RIMS2: variants seen among roughly 807,000 people sequenced by gnomAD.
The protein encoded by RIMS2 is regulating synaptic membrane exocytosis 2.
RIMS2 carries 59 observed loss-of-function variants against 174.4 expected under a neutral mutation model. That is an observed-to-expected ratio of 0.34 (90% confidence interval 0.27 to 0.42). The LOEUF (loss-of-function observed/expected upper bound fraction) is 0.42, where lower values mean the gene tolerates loss of function less well. RIMS2 is among the 10% of genes least tolerant of loss of function. The pLI, the probability that RIMS2 is intolerant of heterozygous loss-of-function variation, is 1.00. For synonymous variants in RIMS2, 606 were observed against 572.5 expected, an observed-to-expected ratio of 1.06 and a Z score of -0.84; for missense variants, 1,620 against 1,666.3, an observed-to-expected ratio of 0.97 and a Z score of 0.48.
intron 19 of RIMS2, among the ~76,000 whole-genome samples, chr8:104,187,315 A>G (rs1453349378): frequency 1.3e-5 from 2 of 151,820 alleles, no homozygotes; most frequent in Admixed American, 6.6e-5. Context: ...GAGAATTTCA[A>G]TTCAGTGCTT....
intron 19 of RIMS2, among the ~76,000 whole-genome samples, chr8:104,213,496 T>A (rs1246408195): frequency 6.6e-6 from 1 of 152,194 alleles, no homozygotes; most frequent in Non-Finnish European, 1.5e-5. Context: ...AAGCAGTCAT[T>A]CCCGTTTGCT....
intron 6 of RIMS2, among the ~76,000 whole-genome samples, chr8:103,912,515 G>A (rs1473648041): frequency 1.3e-5 from 2 of 151,924 alleles, no homozygotes; most frequent in Non-Finnish European, 2.9e-5. Context: ...TAAAGTGATA[G>A]TTTTTTAATA....
chr8:103,957,200 C>T (rs2087648730), intron 14 of RIMS2, among the ~76,000 whole-genome samples: 1 of 152,278 alleles, frequency 6.6e-6, no homozygotes, highest in East Asian at 1.9e-4. Context: ...GACAATTCCT[C>T]AAGGATCTAG....
At chr8:103,922,346 C>T (rs1455188080) in intron 10 of RIMS2, among the ~76,000 whole-genome samples, 1 of 151,728 alleles carries the variant, frequency 6.6e-6, no homozygotes, top group Non-Finnish European at 1.5e-5. Context: ...ATTAAGTGAT[C>T]CCTGATTTGA....
chr8:103,677,053 A>C (rs983030441), intron 1 of RIMS2, among the ~76,000 whole-genome samples: 1 of 152,120 alleles, frequency 6.6e-6, no homozygotes, highest in Admixed American at 6.6e-5. Flanking sequence ...ATTTTAAATT[A>C]CCTTTAGTCA....
chr8:103,522,593 T>A lies in RIMS2; in HGVS notation c.176+21531T>A, dbSNP rs190565882. ...CTTTGTCATTTTCCCATTTGATACCTTTCTTTTTACCACTTACAAATGACT... is the reference window on the plus strand; with the variant it reads ...CTTTGTCATTTTCCCATTTGATACCATTCTTTTTACCACTTACAAATGACT... On this transcript the variant is annotated intron_variant, in intron 1 of 23. Coordinates refer to ENST00000504942, the Ensembl canonical transcript of RIMS2. Among the ~76,000 whole-genome samples the A allele has an allele frequency of 3.7e-3, 565 of 152,286 alleles. 4 individuals carry two copies. The highest frequency in any genetic ancestry group is 6.1e-3 in the Non-Finnish European group (417 of 68,012).
intron 19 of RIMS2, among the ~76,000 whole-genome samples, chr8:104,067,905 A>G (rs2097132703): frequency 6.6e-6 from 1 of 152,150 alleles, no homozygotes; most frequent in Non-Finnish European, 1.5e-5. Context: ...TATAAAATTG[A>G]TCTCAGTCAT....
At chr8:103,807,535 G>A (rs2098658276) in intron 3 of RIMS2, among the ~76,000 whole-genome samples, 1 of 152,090 alleles carries the variant, frequency 6.6e-6, no homozygotes, top group African/African-American at 2.4e-5. Context: ...GTAGTACCTG[G>A]AAGGGAATAT....
intron 1 of RIMS2, among the ~76,000 whole-genome samples, chr8:103,683,433 A>G (rs2096903474): frequency 6.6e-6 from 1 of 152,174 alleles, no homozygotes; most frequent in African/African-American, 2.4e-5. Context: ...GCATTAATCT[A>G]TTCATGAGAT....
At chr8:103,835,708 G>T (rs2098881246) in intron 3 of RIMS2, among the ~76,000 whole-genome samples, 1 of 152,166 alleles carries the variant, frequency 6.6e-6, no homozygotes, top group Admixed American at 6.5e-5. Context: ...TATATATGTA[G>T]CTTCTTCTGT....
intron 1 of RIMS2, among the ~76,000 whole-genome samples, chr8:103,686,391 G>A (rs1675109534): frequency 6.6e-6 from 1 of 152,100 alleles, no homozygotes; most frequent in Admixed American, 6.6e-5. Context: ...AGTGAAAGAG[G>A]ATACCTTGCT....
chr8:104,043,986 CA>C (rs967670149), intron 19 of RIMS2, among the ~76,000 whole-genome samples: 7 of 151,492 alleles, frequency 4.6e-5, no homozygotes, highest in African/African-American at 1.7e-4. Context: ...GTGGAAGGAG[CA>C]ATTTATACCA....
chr8:104,075,901 A>C (rs80046850), intron 19 of RIMS2, among the ~76,000 whole-genome samples: 3,352 of 152,244 alleles, frequency 0.022, 126 homozygotes, highest in African/African-American at 0.076. Flanking sequence ...CAAGTATCGC[A>C]CACTTTTCTT....
rs151116310 is a variant in RIMS2 at position 103,860,233 on chromosome 8, C to T, written c.699-25065C>T. ...CTGATCTGCACACATAAGGGAATGG[C>T]GTGTTTTGAGAGTGCAGGTTCTAGA... On this transcript the variant is annotated intron_variant, in intron 3 of 23. Transcript: ENST00000504942. Among the ~76,000 whole-genome samples, 17 of 152,168 alleles carry T rather than the reference C, an allele frequency of 1.1e-4. No homozygotes were observed. In the East Asian group the frequency reaches 2.1e-3, roughly 19 times the overall value.
chr8:104,246,341 T>C (rs992682526), intron 20 of RIMS2, among the ~76,000 whole-genome samples: 8 of 152,166 alleles, frequency 5.3e-5, no homozygotes, highest in African/African-American at 1.9e-4. Flanking sequence ...CTTTCCTTTT[T>C]ATTTTTTTTG....
intron 19 of RIMS2, among the ~76,000 whole-genome samples, chr8:104,187,349 A>G (rs562516832): frequency 3.9e-5 from 6 of 151,994 alleles, no homozygotes; most frequent in African/African-American, 1.4e-4. Flanking sequence ...TATAATGATG[A>G]TAATAGTGTA....
chr8:103,536,497 G>T (rs954265975), intron 1 of RIMS2, among the ~76,000 whole-genome samples: 3 of 152,084 alleles, frequency 2.0e-5, no homozygotes, highest in African/African-American at 7.2e-5. Context: ...AGAAAAGCAG[G>T]TTAATTTAAT....
chr8:103,894,990 TA>T (rs2099269140), intron 4 of RIMS2, among the ~76,000 whole-genome samples: 1 of 151,576 alleles, frequency 6.6e-6, no homozygotes, highest in African/African-American at 2.4e-5. Flanking sequence ...TTTGAAAAAC[TA>T]AAAAAATTAA....
chr8:103,805,691 C>A (rs2098645387), intron 3 of RIMS2, among the ~76,000 whole-genome samples: 1 of 152,030 alleles, frequency 6.6e-6, no homozygotes, highest in Admixed American at 6.5e-5. Flanking sequence ...TCCACTTTTT[C>A]TTTTCATTTC....
Sources: allele counts gnomAD v4.1 joint callset (sites outside exome capture counted in the v4.1 genomes callset), GRCh38; gene constraint gnomAD v4.1.1; transcripts MANE v1.5; gene names NCBI Gene and HGNC (gene_info 2026-07-23, HGNC 2026-07-21).